The following RUNX1T1 variants were observed in gnomAD, a reference collection of about 807,000 sequenced individuals.
RUNX1T1 encodes the protein RUNX1 partner transcriptional co-repressor 1.
Under a neutral mutation model 62.8 loss-of-function variants are expected in RUNX1T1, and 4 were observed. The ratio of observed to expected loss-of-function variants is 0.06; its 90% CI spans 0.03 to 0.15. The LOEUF (loss-of-function observed/expected upper bound fraction) is 0.15. RUNX1T1 is among the 10% of genes least tolerant of loss of function. The pLI is 1.00. For synonymous variants in RUNX1T1, 291 were observed against 286.0 expected (o/e 1.02, Z -0.18); for missense variants, 508 against 754.3 (o/e 0.67, Z 3.82).
intron 1 of RUNX1T1, among the ~76,000 whole-genome samples, chr8:92,041,861 C>A (rs914911719): frequency 6.7e-6 from 1 of 149,090 alleles, no homozygotes; most frequent in South Asian, 2.1e-4. Context: ...CTCTGTTGTC[C>A]AGGCTGGAAT....
At chr8:92,031,116 C>T (rs893966251) in intron 1 of RUNX1T1, among the ~76,000 whole-genome samples, 11 of 152,208 alleles carry the variant, frequency 7.2e-5, no homozygotes, top group Non-Finnish European at 5.9e-5. Flanking sequence ...CTAAGACTTC[C>T]TCTGGCTACA....
chr8:91,986,424 G>A (rs1177807044), intron 7 of RUNX1T1, 99 bp from the exon 9 acceptor site: 2 of 899,254 alleles, frequency 2.2e-6, no homozygotes, highest in East Asian at 2.4e-5. Flanking sequence ...AATGAAGGAA[G>A]CAATTTTATC....
chr8:92,002,006 A>G (rs1819853423), intron 5 of RUNX1T1, among the ~76,000 whole-genome samples: 1 of 152,172 alleles, frequency 6.6e-6, no homozygotes, highest in Non-Finnish European at 1.5e-5. Flanking sequence ...CTCTATCTGT[A>G]AGAGTGTTCA....
At chr8:92,049,235 T>C (rs1340023169) in intron 1 of RUNX1T1, among the ~76,000 whole-genome samples, 1 of 152,226 alleles carries the variant, frequency 6.6e-6, no homozygotes, top group African/African-American at 2.4e-5. Context: ...AACTATCTTT[T>C]TCGAATTACC....
At chr8:92,067,416 T>C (rs1833030037), upstream of RUNX1T1, among the ~76,000 whole-genome samples, 2 of 152,190 alleles carry the variant, frequency 1.3e-5, no homozygotes, top group African/African-American at 4.8e-5. Flanking sequence ...GTAAAACTCA[T>C]GGTCTCAGGT....
At chr8:92,010,119 A>G (rs774438854) in intron 4 of RUNX1T1, 3 of 152,224 alleles carry the variant, frequency 2.0e-5, no homozygotes, top group Non-Finnish European at 4.4e-5. Context: ...TCTCCCAAAC[A>G]AAGTTCTAGG....
intron 9 of RUNX1T1, chr8:91,971,209 TC>T (rs958267411): frequency 1.4e-4 from 24 of 173,552 alleles, no homozygotes; most frequent in African/African-American, 5.4e-4. Flanking sequence ...TTTTTGAAAC[TC>T]CTATATCATT....
At chr8:92,017,298 T>C in exon 2 of RUNX1T1, 2 of 1,613,956 alleles carry the variant, frequency 1.2e-6, no homozygotes, top group Non-Finnish European at 1.7e-6. Flanking sequence ...GTTGGAGGAG[T>C]CAGCCTAGAT....
chr8:91,987,503 G>A lies in RUNX1T1; in HGVS notation c.911-531C>T, dbSNP rs143550668. ...TGATAAAATTAGACCATGAAGAAAA[G>A]GCTTGTATAATATGGAGCTACATAT... On this transcript the variant is annotated intron_variant, in intron 6 of 10. Transcript: ENST00000396218. 4.1e-3 allele frequency among the ~76,000 whole-genome samples: 630 copies of A among 152,054 alleles called. 6 individuals are homozygous for A. Among genetic ancestry groups the A allele is most frequent in the Middle Eastern group, 0.041 (12 of 294 alleles).
intron 4 of RUNX1T1, among the ~76,000 whole-genome samples, chr8:92,008,272 T>A (rs1286076548): frequency 6.6e-6 from 1 of 151,942 alleles, no homozygotes; most frequent in Admixed American, 6.6e-5. Flanking sequence ...TTCAGAACGA[T>A]GAGGAAGCGG....
In RUNX1T1 at chr8:92,086,348, G is replaced by T. The variant is rs143347643; in HGVS notation, c.-85-10211C>A. 7.2e-5 allele frequency among the ~76,000 whole-genome samples: 11 copies of T among 152,322 alleles called. No homozygotes were observed. In the East Asian group the frequency reaches 2.1e-3, roughly 29 times the overall value. Reference sequence around the variant, plus strand: ...CTGCACTGGTCAAATGAGAAGTTAAGGGTCCCAGAACCCAGCCCACCTGAC... The same window carrying T: ...CTGCACTGGTCAAATGAGAAGTTAATGGTCCCAGAACCCAGCCCACCTGAC... On this transcript the variant is annotated intron_variant, in intron 1 of 11. Transcript: ENST00000265814.
chr8:92,064,144 T>G (rs181554646), upstream of RUNX1T1, among the ~76,000 whole-genome samples: 542 of 152,252 alleles, frequency 3.6e-3, 3 homozygotes, highest in Admixed American at 0.019. Context: ...CACAACCTGT[T>G]TCAAAGCATA....
At chr8:91,982,689 G>A (rs1309259203) in intron 8 of RUNX1T1, among the ~76,000 whole-genome samples, 1 of 152,106 alleles carries the variant, frequency 6.6e-6, no homozygotes, top group African/African-American at 2.4e-5. Flanking sequence ...ATTTTGTTAA[G>A]AGTTGGATAC....
downstream of RUNX1T1, chr8:91,957,325 T>C: frequency 4.4e-6 from 1 of 224,884 alleles, no homozygotes; most frequent in Non-Finnish European, 8.9e-6. Flanking sequence ...CTGGTTCTTT[T>C]GTGCCCATTT....
intron 1 of RUNX1T1, among the ~76,000 whole-genome samples, chr8:92,037,365 T>G (rs2131366498): frequency 6.6e-6 from 1 of 152,276 alleles, no homozygotes; most frequent in Non-Finnish European, 1.5e-5. Flanking sequence ...CCAGTCAATA[T>G]TTTTTTAAAA....
chr8:92,032,383 G>T (rs1772693063), intron 1 of RUNX1T1, among the ~76,000 whole-genome samples: 1 of 151,936 alleles, frequency 6.6e-6, no homozygotes. Context: ...CACTCATTCT[G>T]TATGAATAAA....
At chr8:92,075,234 G>A (rs528875931) in intron 2 of RUNX1T1, among the ~76,000 whole-genome samples, 1 of 152,324 alleles carries the variant, frequency 6.6e-6, no homozygotes, top group African/African-American at 2.4e-5. Context: ...TTTCTTAGCA[G>A]TGGATCCTTA....
chr8:92,088,216 T>C (rs1033946222), intron 1 of RUNX1T1, among the ~76,000 whole-genome samples: 1 of 152,212 alleles, frequency 6.6e-6, no homozygotes, highest in Non-Finnish European at 1.5e-5. Context: ...GATTACTATG[T>C]CAGTCTGATA....
intron 1 of RUNX1T1, among the ~76,000 whole-genome samples, chr8:92,048,190 A>G (rs1006887630): frequency 4.6e-5 from 7 of 152,212 alleles, no homozygotes; most frequent in African/African-American, 1.7e-4. Flanking sequence ...TTAAATGAAC[A>G]TTCAATACAC....
Sources: gnomAD v4.1 joint callset for allele counts (sites outside exome capture counted in the v4.1 genomes callset) on GRCh38, gnomAD v4.1.1 for gene constraint, MANE v1.5 for transcripts, NCBI Gene and HGNC (gene_info 2026-07-23, HGNC 2026-07-21) for gene names.